The following SDK1 variants were observed in gnomAD, a reference collection of about 807,000 sequenced individuals.
The protein encoded by SDK1 is sidekick cell adhesion molecule 1.
A neutral mutation model predicts 245.5 loss-of-function variants in SDK1; 157 were observed. That is an observed-to-expected ratio of 0.64 (90% CI 0.56 to 0.73). The LOEUF (loss-of-function observed/expected upper bound fraction) is 0.73, where lower values mean the gene tolerates loss of function less well. SDK1 is among the 30% of genes least tolerant of loss of function. The probability of loss-of-function intolerance (pLI) is 0.00; values close to 1 mark genes in which losing one functional copy is unlikely to be tolerated. For synonymous variants in SDK1, 1,647 were observed against 1,278.5 expected (o/e 1.29, Z -6.15); for missense variants, 3,583 against 3,002.3 (o/e 1.19, Z -4.52).
intron 1 of SDK1, among the ~76,000 whole-genome samples, chr7:3,512,481 C>T (rs1782612947): frequency 6.6e-6 from 1 of 152,046 alleles, no homozygotes; most frequent in Non-Finnish European, 1.5e-5. Context: ...GGGTGAATAC[C>T]AAGGAGTGTG....
intron 1 of SDK1, among the ~76,000 whole-genome samples, chr7:3,501,099 A>G (rs1394963701): frequency 6.6e-6 from 1 of 152,198 alleles, no homozygotes; most frequent in Non-Finnish European, 1.5e-5. Context: ...CTTATAATGC[A>G]AAGTGGCAGA....
chr7:3,441,586 C>T (rs1202332569), intron 1 of SDK1, among the ~76,000 whole-genome samples: 1 of 151,966 alleles, frequency 6.6e-6, no homozygotes, highest in Non-Finnish European at 1.5e-5. Context: ...TCTTTGCAAC[C>T]ACTCTATTTT....
chr7:3,992,237 A>C (rs915338824), intron 14 of SDK1, among the ~76,000 whole-genome samples: 2 of 152,164 alleles, frequency 1.3e-5, no homozygotes, highest in Non-Finnish European at 2.9e-5. Flanking sequence ...AGCTCTGTGG[A>C]GCAGAGCCTG....
rs1784682539 is a variant in SDK1, at chr7:4,129,921, C to A, written c.3953C>A (p.Ala1318Asp). Residue 1318 changes from alanine (A) to aspartate (D), a missense_variant, in exon 27 of 45, where the codon GCC becomes GAC. Physicochemically the swap from Ala to Asp is moderately radical, Grantham distance 126. Transcript: ENST00000404826. ...TCGATACCACAGATCCTGTTCCGGGCCAAAGACCTGGATCCCGAGCCCAGG... is the reference window on the plus strand; with the variant it reads ...TCGATACCACAGATCCTGTTCCGGGACAAAGACCTGGATCCCGAGCCCAGG... ...LILGYKILFR[A>D]KDLDPEPRSH... 1 of 1,613,536 alleles carries A rather than the reference C, an allele frequency of 6.2e-7. No homozygotes were observed. Among genetic ancestry groups the A allele is most frequent in the African/African-American group, 1.3e-5 (1 of 74,940 alleles).
chr7:3,675,097 A>C (rs752383383), intron 4 of SDK1, among the ~76,000 whole-genome samples: 8 of 152,168 alleles, frequency 5.3e-5, no homozygotes, highest in African/African-American at 7.2e-5. Flanking sequence ...CCACGTGTGA[A>C]TCTAACAGAT....
intron 30 of SDK1, among the ~76,000 whole-genome samples, chr7:4,151,148 T>G (rs1780353445): frequency 6.6e-6 from 1 of 152,172 alleles, no homozygotes; most frequent in South Asian, 2.1e-4. Context: ...CCAGAGTCCC[T>G]GAGCAGTCCA....
At chr7:3,702,237 G>A (rs1398426658) in intron 4 of SDK1, among the ~76,000 whole-genome samples, 2 of 152,112 alleles carry the variant, frequency 1.3e-5, no homozygotes, top group Non-Finnish European at 2.9e-5. Context: ...ATTTGAGAAA[G>A]TGGCCATATT....
Position 4,179,519 on chromosome 7 carries a change from G to A in SDK1, c.5098+933G>A, listed in dbSNP as rs142808632. Among the ~76,000 whole-genome samples, 261 of 152,244 alleles carry A rather than the reference G, an allele frequency of 1.7e-3. 1 individual carries two copies. In the Middle Eastern group the frequency reaches 0.024, roughly 14 times the overall value. ...AATAGCACCAAGGGTCAAGCCCAGC[G>A]GATTTTTTCCGGAATGGTCAAGCGG... On this transcript the variant is annotated intron_variant, in intron 35 of 44. Transcript: ENST00000404826.
At chr7:4,050,908 G>T (rs1312883617) in intron 18 of SDK1, among the ~76,000 whole-genome samples, 3 of 139,898 alleles carry the variant, frequency 2.1e-5, no homozygotes, top group East Asian at 2.0e-4. Flanking sequence ...ATTATATATA[G>T]TATATATAAT....
chr7:3,516,027 A>G lies in SDK1; in HGVS notation c.299-103053A>G, dbSNP rs143760661. On this transcript the variant is annotated intron_variant, in intron 1 of 44. Transcript: ENST00000404826. Reference sequence around the variant, plus strand: ...ACTTATAGTTCATCAGATGAGAGCTAAAGTGTTAAATCTTCAATGCATGAA... The same window carrying G: ...ACTTATAGTTCATCAGATGAGAGCTGAAGTGTTAAATCTTCAATGCATGAA... Among the ~76,000 whole-genome samples the G allele has an allele frequency of 5.9e-5, 9 of 152,150 alleles. No homozygotes were observed. In the East Asian group the frequency reaches 1.4e-3, roughly 23 times the overall value.
chr7:3,794,306 C>A (rs1222255462), intron 4 of SDK1, among the ~76,000 whole-genome samples: 1 of 152,100 alleles, frequency 6.6e-6, no homozygotes, highest in East Asian at 1.9e-4. Flanking sequence ...ATTTAACATT[C>A]CCCTTTTAGC....
intron 22 of SDK1, among the ~76,000 whole-genome samples, chr7:4,085,366 A>G (rs1364106638): frequency 1.3e-5 from 2 of 152,188 alleles, no homozygotes; most frequent in Non-Finnish European, 2.9e-5. Context: ...TACAGTTTAT[A>G]TTCAGTTTAT....
Position 4,265,711 on chromosome 7 carries a change from A to G in SDK1, c.*327A>G. ...CCCAGCCCTGGGTTTCTCCGTCTTC[A>G]AGACCAACTAGGAAGGGTCAAGCGG... On this transcript the variant is annotated 3_prime_UTR_variant, in exon 45 of 45. Transcript: ENST00000404826. The G allele has an allele frequency of 9.0e-7, 1 of 1,111,346 alleles. No homozygotes were observed. The highest frequency in any genetic ancestry group is 1.1e-6 in the Non-Finnish European group (1 of 914,822). 68.8% of individuals were successfully genotyped at this position (1,111,346 alleles called of 1,614,324 possible).
At chr7:4,100,749 G>T (rs962871433) in intron 22 of SDK1, among the ~76,000 whole-genome samples, 1 of 152,118 alleles carries the variant, frequency 6.6e-6, no homozygotes, top group Non-Finnish European at 1.5e-5. Context: ...CATCACAGTC[G>T]CCTAGTGGGG....
rs534646006 is a variant in SDK1, at chr7:3,753,817, G to A, written c.714-67633G>A. On this transcript the variant is annotated intron_variant, in intron 4 of 44. Coordinates refer to ENST00000404826, the MANE Select transcript of SDK1 (RefSeq NM_152744.4). Reference sequence around the variant, plus strand: ...TACATTTTAAAAGGCATGTTTCCACGTAGCTAGAATTGAATACTTGGTATT... The same window carrying A: ...TACATTTTAAAAGGCATGTTTCCACATAGCTAGAATTGAATACTTGGTATT... 7.9e-5 allele frequency among the ~76,000 whole-genome samples: 12 copies of A among 152,266 alleles called. No individual in the cohort carries two copies. In the East Asian group the frequency reaches 9.6e-4, roughly 12 times the overall value.
At chr7:3,388,723 A>T (rs977973260) in intron 1 of SDK1, among the ~76,000 whole-genome samples, 1 of 152,220 alleles carries the variant, frequency 6.6e-6, no homozygotes, top group South Asian at 2.1e-4. Context: ...GGAGAATTTT[A>T]TAAAGTATGA....
chr7:4,079,690 G>T, intron 22 of SDK1, 106 bp downstream of exon 22: 2 of 1,491,484 alleles, frequency 1.3e-6, no homozygotes, highest in South Asian at 2.6e-5. Context: ...CGGGGAGATG[G>T]GTGTGCTTGG....
At chr7:3,665,497 C>T (rs200274679) in intron 4 of SDK1, among the ~76,000 whole-genome samples, 1 of 152,290 alleles carries the variant, frequency 6.6e-6, no homozygotes, top group East Asian at 1.9e-4. Context: ...ATACAACACA[C>T]CATAGCACAC....
intron 22 of SDK1, among the ~76,000 whole-genome samples, chr7:4,081,501 G>A (rs548319904): frequency 7.0e-6 from 1 of 143,546 alleles, no homozygotes; most frequent in Non-Finnish European, 1.5e-5. Context: ...CTCACTGCAA[G>A]CTCTTCCTCC....
Sources: gnomAD v4.1 joint callset for allele counts (sites outside exome capture counted in the v4.1 genomes callset) on GRCh38, gnomAD v4.1.1 for gene constraint, MANE v1.5 for transcripts, NCBI Gene and HGNC (gene_info 2026-07-23, HGNC 2026-07-21) for gene names.